The following TENM2 variants were observed in gnomAD, a reference collection of about 807,000 sequenced individuals.
TENM2 encodes the protein teneurin transmembrane protein 2.
A neutral mutation model predicts 245.2 loss-of-function variants in TENM2; 52 were observed. That is an observed-to-expected ratio of 0.21 (90% confidence interval 0.17 to 0.27). The LOEUF (loss-of-function observed/expected upper bound fraction) is 0.27, where lower values mean the gene tolerates loss of function less well. TENM2 is among the 10% of genes least tolerant of loss of function. TENM2 has a pLI of 1.00. For synonymous variants in TENM2, 1,363 were observed against 1,438.9 expected, an observed-to-expected ratio of 0.95 and a Z score of 1.19; for missense variants, 3,046 against 3,666.8, an observed-to-expected ratio of 0.83 and a Z score of 4.37.
chr5:167,595,034 G>A (rs1160247204), intron 2 of TENM2, among the ~76,000 whole-genome samples: 2 of 152,200 alleles, frequency 1.3e-5, no homozygotes, highest in South Asian at 4.1e-4. Flanking sequence ...GGACTGATCA[G>A]TGCAAAATCA....
At chr5:168,005,140 C>A (rs1309531756) in intron 5 of TENM2, among the ~76,000 whole-genome samples, 1 of 152,148 alleles carries the variant, frequency 6.6e-6, no homozygotes, top group Non-Finnish European at 1.5e-5. Flanking sequence ...TCGGAAAGGT[C>A]AGCTGACCCA....
intron 3 of TENM2, among the ~76,000 whole-genome samples, chr5:167,907,103 A>G (rs1191469040): frequency 6.6e-6 from 1 of 152,058 alleles, no homozygotes; most frequent in Non-Finnish European, 1.5e-5. Context: ...GTGGTGGCGC[A>G]TGCCTGTAAT....
chr5:167,305,668 T>G (rs1225652224), intron 1 of TENM2, among the ~76,000 whole-genome samples: 1 of 152,252 alleles, frequency 6.6e-6, no homozygotes, highest in African/African-American at 2.4e-5. Flanking sequence ...TTCACAGAAT[T>G]GAAAGCATTC....
chr5:167,265,670 G>A, the TENM2 span, among the ~76,000 whole-genome samples: 12 of 152,022 alleles, frequency 7.9e-5, no homozygotes, highest in African/African-American at 1.9e-4. Context: ...TCCACCCTTC[G>A]TCTCTGTATT....
At chr5:168,097,582 G>A (rs1298493525) in intron 8 of TENM2, among the ~76,000 whole-genome samples, 1 of 144,114 alleles carries the variant, frequency 6.9e-6, no homozygotes, top group Non-Finnish European at 1.5e-5. Context: ...GCATCACCAC[G>A]TCCAGCTAAT....
At chr5:167,475,228 G>A (rs187832292) in intron 2 of TENM2, among the ~76,000 whole-genome samples, 17 of 152,148 alleles carry the variant, frequency 1.1e-4, no homozygotes, top group Admixed American at 2.0e-4. Context: ...AATTAAATAC[G>A]TTGAAGAATA....
chr5:167,027,012 A>C, the TENM2 span, among the ~76,000 whole-genome samples: 1 of 152,210 alleles, frequency 6.6e-6, no homozygotes, highest in Admixed American at 6.5e-5. Context: ...GATACCGCTT[A>C]TCAACTTCTA....
chr5:167,725,443 C>T (rs909638870), intron 2 of TENM2, among the ~76,000 whole-genome samples: 1 of 152,176 alleles, frequency 6.6e-6, no homozygotes, highest in African/African-American at 2.4e-5. Flanking sequence ...ATATTTTTCT[C>T]CTAGCACTGA....
chr5:166,992,746 A>C, the TENM2 span, among the ~76,000 whole-genome samples: 2 of 152,148 alleles, frequency 1.3e-5, no homozygotes, highest in African/African-American at 4.8e-5. Flanking sequence ...TGTTTGAAAA[A>C]AGTGGATTTG....
rs578083418 is a variant in TENM2, at chr5:168,158,741, C to T, written c.2423-3870C>T. On this transcript the variant is annotated intron_variant, in intron 12 of 28. Transcript: ENST00000518659. Reference sequence around the variant, plus strand: ...TTGGGAGGCCAAGGCAGGCGGATCACTTGAGGTCAGGAGTTCAAGACCAGC... The same window carrying T: ...TTGGGAGGCCAAGGCAGGCGGATCATTTGAGGTCAGGAGTTCAAGACCAGC... Among the ~76,000 whole-genome samples, 6 of 147,512 alleles carry T rather than the reference C, an allele frequency of 4.1e-5. No individual in the cohort carries two copies. In the South Asian group the frequency reaches 1.1e-3, roughly 27 times the overall value.
At chr5:168,026,740 G>A (rs1045033141) in intron 5 of TENM2, among the ~76,000 whole-genome samples, 1 of 152,050 alleles carries the variant, frequency 6.6e-6, no homozygotes, top group Non-Finnish European at 1.5e-5. Context: ...AGGTTATAAA[G>A]ACTAAACAAG....
At chr5:167,300,216 G>A (rs1190431521) in intron 1 of TENM2, among the ~76,000 whole-genome samples, 1 of 152,174 alleles carries the variant, frequency 6.6e-6, no homozygotes, top group South Asian at 2.1e-4. Flanking sequence ...GTTTTTATGA[G>A]AATTATGCCG....
At chr5:167,851,688 A>G (rs1309231691) in intron 2 of TENM2, among the ~76,000 whole-genome samples, 1 of 152,200 alleles carries the variant, frequency 6.6e-6, no homozygotes, top group Admixed American at 6.5e-5. Flanking sequence ...GAAGTCCTGT[A>G]GCCAAGACTT....
chr5:167,925,503 G>A (rs1297257856), intron 3 of TENM2, among the ~76,000 whole-genome samples: 1 of 152,196 alleles, frequency 6.6e-6, no homozygotes, highest in African/African-American at 2.4e-5. Context: ...GACACTGCTG[G>A]TGGGAGTGTA....
chr5:168,015,160 T>A (rs986160843), intron 5 of TENM2, among the ~76,000 whole-genome samples: 2 of 152,222 alleles, frequency 1.3e-5, no homozygotes, highest in African/African-American at 2.4e-5. Context: ...GACCGAAGAC[T>A]GAGGGAAATT....
chr5:167,722,561 G>C (rs145750586), intron 2 of TENM2, among the ~76,000 whole-genome samples: 1 of 152,056 alleles, frequency 6.6e-6, no homozygotes, highest in African/African-American at 2.4e-5. Context: ...AGATCATGAC[G>C]TCAGGAGATC....
In TENM2 at chr5:168,250,214, G is replaced by T. The variant is rs116501992; in HGVS notation, c.7432+1843G>T. 2.9e-3 allele frequency among the ~76,000 whole-genome samples: 443 copies of T among 152,110 alleles called. 2 individuals carry two copies. Among genetic ancestry groups the T allele is most frequent in the African/African-American group, 1.0e-2 (413 of 41,492 alleles). ...TTGATGGATGGGTAGGTGGATGGGT[G>T]GGTGAATGGATGGATGGGTGTGTGG... On this transcript the variant is annotated intron_variant, in intron 27 of 28. Transcript: ENST00000518659.
intron 12 of TENM2, among the ~76,000 whole-genome samples, chr5:168,137,646 A>T (rs1163963623): frequency 2.6e-5 from 4 of 152,242 alleles, no homozygotes; most frequent in Non-Finnish European, 5.9e-5. Flanking sequence ...GTGTGAGCCC[A>T]GAAAGCCTAA....
At chr5:167,106,779 G>A in the TENM2 span, among the ~76,000 whole-genome samples, 5 of 151,984 alleles carry the variant, frequency 3.3e-5, no homozygotes, top group Non-Finnish European at 7.4e-5. Context: ...GCAGTGAAGA[G>A]GGTGGGGGAG....
Sources: allele counts gnomAD v4.1 joint callset (sites outside exome capture counted in the v4.1 genomes callset), GRCh38; gene constraint gnomAD v4.1.1; transcripts MANE v1.5; gene names NCBI Gene and HGNC (gene_info 2026-07-23, HGNC 2026-07-21).